Variants in AJAP1 observed in about 807,000 individuals in gnomAD.
AJAP1 encodes the protein adherens junctions associated protein 1, also known as adherens junction-associated protein 1.
In AJAP1, 5 loss-of-function variants were observed where a neutral mutation model predicts 35.0. The ratio of observed to expected loss-of-function variants is 0.14; its 90% CI spans 0.07 to 0.30. The LOEUF (loss-of-function observed/expected upper bound fraction) is 0.30. AJAP1 is among the 10% of genes least tolerant of loss of function. AJAP1 has a pLI of 1.00. For missense variants in AJAP1, 586 were observed against 571.0 expected (o/e 1.03, Z -0.27); for synonymous variants, 284 against 249.3 (o/e 1.14, Z -1.31).
In AJAP1 at chr1:4,791,158, C is replaced by T. The variant is rs367946674; in HGVS notation, c.*8673C>T. 4 of 152,124 alleles carry T rather than the reference C, an allele frequency of 2.6e-5. No homozygotes were observed. The highest frequency in any genetic ancestry group is 9.6e-5 in the African/African-American group (4 of 41,504). 9.4% of individuals were successfully genotyped at this position (152,124 alleles called of 1,614,324 possible). A position where few individuals can be genotyped will look rare whatever the true frequency, so the allele number is the denominator to read the frequency against. On this transcript the variant is annotated 3_prime_UTR_variant, in exon 6 of 6. Transcript: ENST00000378191. ...CCTTTACTAACTGACTCTTGGTACC[C>T]GGATTGTTGAGAGGTGAGTGGGACT...
chr1:4,772,838 C>T (rs1292287973), intron 4 of AJAP1, among the ~76,000 whole-genome samples: 1 of 152,186 alleles, frequency 6.6e-6, no homozygotes, highest in Non-Finnish European at 1.5e-5. Flanking sequence ...GCCCCAGAGC[C>T]CAAAGGCCAG....
chr1:4,682,862 A>G (rs1284827173), intron 1 of AJAP1, among the ~76,000 whole-genome samples: 1 of 149,810 alleles, frequency 6.7e-6, no homozygotes, highest in African/African-American at 2.5e-5. Context: ...GATGGTGGTG[A>G]TGGTGATTGT....
At chr1:4,698,678 C>T (rs940333423) in intron 1 of AJAP1, among the ~76,000 whole-genome samples, 1 of 152,202 alleles carries the variant, frequency 6.6e-6, no homozygotes, top group Admixed American at 6.5e-5. Context: ...ATGTGGGTGC[C>T]TCCCAGGAAA....
At position 4,791,162 on chromosome 1, in the gene AJAP1, T is replaced by G. The variant is rs547942815; in HGVS notation, c.*8677T>G. 7 of 152,218 alleles carry G rather than the reference T, an allele frequency of 4.6e-5. No individual in the cohort carries two copies. Among genetic ancestry groups the G allele is most frequent in the African/African-American group, 1.7e-4 (7 of 41,528 alleles). The allele number at this position is 152,218 out of a possible 1,614,324, so 9.4% of individuals were successfully genotyped here. The stretch of plus-strand genomic sequence containing the variant: ...TACTAACTGACTCTTGGTACCCGGA[T>G]TGTTGAGAGGTGAGTGGGACTAAAA... On this transcript the variant is annotated 3_prime_UTR_variant, in exon 6 of 6. Transcript: ENST00000378191.
chr1:4,668,932 T>A (rs1477190258), intron 1 of AJAP1, among the ~76,000 whole-genome samples: 1 of 152,186 alleles, frequency 6.6e-6, no homozygotes, highest in Admixed American at 6.5e-5. Context: ...AGAATTTATG[T>A]CAGTTGCCAC....
chr1:4,730,403 C>T (rs1320378086), intron 2 of AJAP1, among the ~76,000 whole-genome samples: 1 of 152,178 alleles, frequency 6.6e-6, no homozygotes, highest in Admixed American at 6.5e-5. Flanking sequence ...CCGCAGCTCA[C>T]CCAGCCTGGA....
intron 2 of AJAP1, among the ~76,000 whole-genome samples, chr1:4,740,609 C>T (rs1641042433): frequency 6.6e-6 from 1 of 151,504 alleles, no homozygotes; most frequent in Admixed American, 6.6e-5. Flanking sequence ...CATGGTGAAA[C>T]CCCGTCTCTA....
rs1370076479 is a variant in AJAP1 at position 4,712,440 on chromosome 1, G to A, written c.570G>A (p.Glu190=). 1 of 1,607,744 alleles carries A rather than the reference G, an allele frequency of 6.2e-7. No individual in the cohort carries two copies. Among genetic ancestry groups the A allele is most frequent in the Non-Finnish European group, 8.5e-7 (1 of 1,177,450 alleles). ...FIAWGPTGDE[E]ALESNTFPGV... is the part of the protein sequence containing the mutation. ...CCTGGGGGCCCACGGGGGACGAGGAGGCCCTGGAGTCCAACACATTTCCGG... is the reference window on the plus strand; with the variant it reads ...CCTGGGGGCCCACGGGGGACGAGGAAGCCCTGGAGTCCAACACATTTCCGG... Residue 190 remains glutamate, a synonymous_variant, in exon 2 of 6, where the codon GAG becomes GAA. Coordinates refer to ENST00000378191, the MANE Select transcript of AJAP1 (RefSeq NM_018836.4).
At chr1:4,684,893 C>T (rs1441646509) in intron 1 of AJAP1, among the ~76,000 whole-genome samples, 1 of 152,334 alleles carries the variant, frequency 6.6e-6, no homozygotes, top group African/African-American at 2.4e-5. Flanking sequence ...CAGCAGATCT[C>T]TTTCCTTGGG....
intron 1 of AJAP1, among the ~76,000 whole-genome samples, chr1:4,695,550 TGAGAAA>T (rs1189457060): frequency 2.0e-5 from 3 of 152,166 alleles, no homozygotes; most frequent in Non-Finnish European, 4.4e-5. Context: ...CTGGCTGCTG[TGAGAAA>T]GTACCACAGA....
At chr1:4,719,224 A>G (rs1205319448) in intron 2 of AJAP1, among the ~76,000 whole-genome samples, 2 of 152,216 alleles carry the variant, frequency 1.3e-5, no homozygotes, top group Non-Finnish European at 2.9e-5. Flanking sequence ...CAATTATTCA[A>G]TGAACCATCA....
chr1:4,768,414 G>A (rs546491611), intron 2 of AJAP1, among the ~76,000 whole-genome samples: 1 of 152,338 alleles, frequency 6.6e-6, no homozygotes, highest in South Asian at 2.1e-4. Flanking sequence ...GACAAAGCTT[G>A]TTTTCTGGCT....
rs35381188 is a variant in AJAP1, at chr1:4,770,924, CAG to C, written c.917+985_917+986del. Among the ~76,000 whole-genome samples, 11 of 152,186 alleles carry C rather than the reference CAG, an allele frequency of 7.2e-5. 1 individual carries two copies. Among genetic ancestry groups the C allele is most frequent in the African/African-American group, 2.4e-4 (10 of 41,528 alleles). On this transcript the variant is annotated intron_variant, in intron 3 of 5. Coordinates refer to ENST00000378191, the MANE Select transcript of AJAP1 (RefSeq NM_018836.4). ...TGGGACCCCGGGCGTTTTCTGGAGA[CAG>C]GGGATGAGAGAACAACACGGAGCTC...
At chr1:4,665,787 C>T (rs1455771707) in intron 1 of AJAP1, among the ~76,000 whole-genome samples, 2 of 152,184 alleles carry the variant, frequency 1.3e-5, no homozygotes, top group African/African-American at 2.4e-5. Flanking sequence ...CTGTGCTGGG[C>T]ACAGGGATGA....
chr1:4,689,225 T>C (rs182938770), intron 1 of AJAP1, among the ~76,000 whole-genome samples: 124 of 152,254 alleles, frequency 8.1e-4, no homozygotes, highest in African/African-American at 2.9e-3. Flanking sequence ...CAGAGACAAT[T>C]ACCGATAAAT....
At chr1:4,779,340 C>CTT (rs57812997) in intron 5 of AJAP1, among the ~76,000 whole-genome samples, 10 of 144,338 alleles carry the variant, frequency 6.9e-5, no homozygotes, top group South Asian at 2.2e-4. Context: ...TTTTCTTTTT[C>CTT]TTTTTTTTTT....
rs1290893546 is a variant in AJAP1, at chr1:4,792,485, C to T, written c.*10000C>T. The T allele has an allele frequency of 1.5e-5, 2 of 133,148 alleles. No homozygotes were observed. The highest frequency in any genetic ancestry group is 3.1e-5 in the Non-Finnish European group (2 of 65,030). The allele number at this position is 133,148 out of a possible 1,614,324, so 8.2% of individuals were successfully genotyped here. A position where few individuals can be genotyped will look rare whatever the true frequency, so the allele number is the denominator to read the frequency against. ...TTAACTTTCCTGTGTATATTTAGTA[C>T]TCTGATGTTGCTATTAAAAAAAAAA... On this transcript the variant is annotated 3_prime_UTR_variant, in exon 6 of 6. Coordinates refer to ENST00000378191, the MANE Select transcript of AJAP1 (RefSeq NM_018836.4).
At chr1:4,749,253 C>G (rs1641267554) in intron 2 of AJAP1, among the ~76,000 whole-genome samples, 1 of 152,196 alleles carries the variant, frequency 6.6e-6, no homozygotes, top group African/African-American at 2.4e-5. Context: ...GGCGGACACA[C>G]CTTCCACAGA....
intron 3 of AJAP1, among the ~76,000 whole-genome samples, chr1:4,770,208 G>A (rs573349841): frequency 6.6e-6 from 1 of 152,092 alleles, no homozygotes; most frequent in Non-Finnish European, 1.5e-5. Context: ...TTCTTTCTCT[G>A]GATCCAAGTG....
Sources: allele counts gnomAD v4.1 joint callset (sites outside exome capture counted in the v4.1 genomes callset), GRCh38; gene constraint gnomAD v4.1.1; transcripts MANE v1.5; gene names NCBI Gene and HGNC (gene_info 2026-07-23, HGNC 2026-07-21).